The following NKAIN4 variants were observed in gnomAD, a reference collection of about 807,000 sequenced individuals.
NKAIN4 encodes sodium/potassium transporting ATPase interacting 4, also known as sodium/potassium-transporting ATPase subunit beta-1-interacting protein 4.
In NKAIN4, 28 loss-of-function variants were observed where a neutral mutation model predicts 28.8. The ratio of observed to expected loss-of-function variants is 0.97; its 90% CI spans 0.72 to 1.33. The LOEUF (loss-of-function observed/expected upper bound fraction) is 1.33, where lower values mean the gene tolerates loss of function less well. Among genes scored for constraint, NKAIN4 ranks in the 40% most tolerant of loss-of-function variants. The pLI, the probability that NKAIN4 is intolerant of heterozygous loss-of-function variation, is 0.00. For synonymous variants in NKAIN4, 122 were observed against 115.6 expected (o/e 1.06, Z -0.36); for missense variants, 289 against 277.2 (o/e 1.04, Z -0.30).
chr20:63,251,056 G>C (rs896843632), intron 1 of NKAIN4, among the ~76,000 whole-genome samples: 15 of 152,110 alleles, frequency 9.9e-5, no homozygotes, highest in African/African-American at 3.6e-4. Context: ...CAAGACAAAA[G>C]GGCAGGGTAA....
At chr20:63,250,794 G>A (rs1568712325) in intron 1 of NKAIN4, among the ~76,000 whole-genome samples, 1 of 152,144 alleles carries the variant, frequency 6.6e-6, no homozygotes, top group Non-Finnish European at 1.5e-5. Flanking sequence ...GCTAACTGCA[G>A]GGACTGGCGC....
chr20:63,253,689 T>C (rs2067000897), intron 1 of NKAIN4, among the ~76,000 whole-genome samples: 1 of 151,912 alleles, frequency 6.6e-6, no homozygotes, highest in South Asian at 2.1e-4. Flanking sequence ...CCCCCAGGCG[T>C]CCCAGGGAGC....
chr20:63,249,199 C>A, intron 2 of NKAIN4: 1 of 405,428 alleles, frequency 2.5e-6, no homozygotes, highest in Non-Finnish European at 4.7e-6. Flanking sequence ...GTGACCTGTC[C>A]TCGCCTCACC....
rs369757303 is a variant in NKAIN4 at position 63,244,098 on chromosome 20, C to T, written c.472-14G>A. ...AAAGCCCAGAAGCTGAAAGACACCA[C>T]AGGCAGGGGCGTGAGTGCGGCCAGG... On this transcript the variant is annotated splice_polypyrimidine_tract_variant and intron_variant, in intron 4 of 6. Coordinates refer to ENST00000370316, the MANE Select transcript of NKAIN4 (RefSeq NM_152864.4). 2 of 1,611,794 alleles carry T rather than the reference C, an allele frequency of 1.2e-6. No individual in the cohort carries two copies. Among genetic ancestry groups the T allele is most frequent in the African/African-American group, 1.3e-5 (1 of 75,044 alleles).
At chr20:63,244,149 G>A (rs878968305) in intron 4 of NKAIN4, 65 bp from the exon 5 acceptor site, 6 of 1,436,104 alleles carry the variant, frequency 4.2e-6, no homozygotes, top group Non-Finnish European at 5.8e-6. Flanking sequence ...TCATTGAGGC[G>A]ATGTGGGCCG....
In NKAIN4 at chr20:63,242,683, G is replaced by A. The variant is rs1381863960; in HGVS notation, c.533-60C>T. On this transcript the variant is annotated intron_variant, in intron 5 of 6. Coordinates refer to ENST00000370316, the MANE Select transcript of NKAIN4 (RefSeq NM_152864.4). ...TACACAATGGAAAAGATGTCAGAGTGGAAAACAAGCCCAACCAGACAAAGA... is the reference window on the plus strand; with the variant it reads ...TACACAATGGAAAAGATGTCAGAGTAGAAAACAAGCCCAACCAGACAAAGA... 3.6e-6 allele frequency: 5 copies of A among 1,385,924 alleles called. No individual in the cohort carries two copies. In the East Asian group the frequency reaches 9.2e-5, roughly 25 times the overall value. 85.9% of individuals were successfully genotyped at this position (1,385,924 alleles called of 1,614,324 possible).
intron 5 of NKAIN4, 54 bp from the exon 6 acceptor site, chr20:63,242,677 C>A: frequency 6.9e-7 from 1 of 1,439,844 alleles, no homozygotes; most frequent in South Asian, 1.1e-5. Flanking sequence ...GAAAAGATGT[C>A]AGAGTGGAAA....
At chr20:63,248,505 G>A (rs41306370) in intron 3 of NKAIN4, 5,542 of 315,190 alleles carry the variant, frequency 0.018, 93 homozygotes, top group African/African-American at 0.053. Flanking sequence ...GGAGGGTGGT[G>A]TCCATTCACC....
intron 1 of NKAIN4, chr20:63,254,059 A>G: frequency 3.3e-6 from 1 of 301,784 alleles, no homozygotes; most frequent in South Asian, 3.2e-5. Flanking sequence ...GGGGCCACAC[A>G]CGCCTCCCCA....
intron 1 of NKAIN4, among the ~76,000 whole-genome samples, chr20:63,250,435 C>A (rs2066936351): frequency 6.6e-6 from 1 of 152,208 alleles, no homozygotes; most frequent in African/African-American, 2.4e-5. Context: ...AGGGGCTGCT[C>A]TAAATCACGA....
chr20:63,253,796 C>T (rs1375357534), intron 1 of NKAIN4, among the ~76,000 whole-genome samples: 1 of 152,138 alleles, frequency 6.6e-6, no homozygotes, highest in Non-Finnish European at 1.5e-5. Flanking sequence ...TCGGCTCCAG[C>T]CCCTTCTCGC....
intron 6 of NKAIN4, chr20:63,241,759 G>T: frequency 1.5e-6 from 1 of 668,084 alleles, no homozygotes; most frequent in Non-Finnish European, 2.8e-6. Flanking sequence ...GGGGCTGGGA[G>T]TGGAGAGGGG....
Position 63,254,383 on chromosome 20 carries a change from G to T in NKAIN4, c.54+14C>A, listed in dbSNP as rs58426104. On this transcript the variant is annotated intron_variant, in intron 1 of 6. Transcript: ENST00000370316. ...CGGGGGCTCCAGGAGGCTCGCGGAG[G>T]GGTCGCCACTCACCAGCTGAAAAGC... 6.8e-3 allele frequency: 9,893 copies of T among 1,446,540 alleles called. 156 individuals carry two copies. Among genetic ancestry groups the T allele is most frequent in the African/African-American group, 0.054 (3,660 of 67,652 alleles). The allele number at this position is 1,446,540 out of a possible 1,614,324, so 89.6% of individuals were successfully genotyped here. A position where few individuals can be genotyped will look rare whatever the true frequency, so the allele number is the denominator to read the frequency against.
intron 1 of NKAIN4, 75 bp downstream of exon 1, chr20:63,254,322 C>A: frequency 2.5e-6 from 3 of 1,204,602 alleles, no homozygotes; most frequent in Non-Finnish European, 3.3e-6. Context: ...GGCGGAGGGA[C>A]GCTTCGGGAC....
intron 5 of NKAIN4, among the ~76,000 whole-genome samples, 173 bp from the exon 6 acceptor site, chr20:63,242,796 G>A (rs564378225): frequency 6.8e-6 from 1 of 146,592 alleles, no homozygotes; most frequent in Admixed American, 6.7e-5. Context: ...CGGGGGGGGT[G>A]GGACACCCGG....
At chr20:63,242,667 GA>G in intron 5 of NKAIN4, 44 bp from the exon 6 acceptor site, 2 of 1,480,928 alleles carry the variant, frequency 1.4e-6, no homozygotes, top group Non-Finnish European at 9.4e-7. Flanking sequence ...CTACACAATG[GA>G]AAAGATGTCA....
At chr20:63,253,474 C>T (rs1241394493) in intron 1 of NKAIN4, 1 of 985,370 alleles carries the variant, frequency 1.0e-6, no homozygotes, top group Non-Finnish European at 1.2e-6. Flanking sequence ...CTGAAACAGC[C>T]CCTTCTGGCC....
rs1568714103 is a variant in NKAIN4, at chr20:63,252,687, T to C, written c.54+1710A>G. Among the ~76,000 whole-genome samples the C allele has an allele frequency of 6.6e-6, 1 of 152,090 alleles. No individual in the cohort carries two copies. The highest frequency in any genetic ancestry group is 1.5e-5 in the Non-Finnish European group (1 of 68,020). On this transcript the variant is annotated intron_variant, in intron 1 of 6. Transcript: ENST00000370316. This position sits in a 1 kb window ranked among gnomAD's most constrained non-coding sequence, Gnocchi z 4.6. ...CCTGAGAGGACACGGCTCTGCCCAG[T>C]CCCTGGAGAGTCCCCAGGTCTGCTA...
intron 5 of NKAIN4, chr20:63,243,722 G>A (rs1416768572): frequency 2.9e-5 from 8 of 276,262 alleles, no homozygotes; most frequent in African/African-American, 1.8e-4. Flanking sequence ...GGCAGTCTGA[G>A]CTCAGACCTT....
Sources: gnomAD v4.1 joint callset for allele counts (sites outside exome capture counted in the v4.1 genomes callset) on GRCh38, gnomAD v4.1.1 for gene constraint, Gnocchi (gnomAD v3.1) non-coding constraint, MANE v1.5 for transcripts, NCBI Gene and HGNC (gene_info 2026-07-23, HGNC 2026-07-21) for gene names.